GCH1: variants seen among roughly 807,000 people sequenced by gnomAD.
The protein encoded by GCH1 is GTP cyclohydrolase I.
In GCH1, 5 loss-of-function variants were observed where a neutral mutation model predicts 25.9. That is an observed-to-expected ratio of 0.19 (90% CI 0.10 to 0.41). The LOEUF (loss-of-function observed/expected upper bound fraction) is 0.41. Ranked by LOEUF, GCH1 falls within the 10% of genes least tolerant of loss-of-function variation. GCH1 has a pLI of 1.00. For synonymous variants in GCH1, 159 were observed against 129.6 expected (o/e 1.23, Z -1.54); for missense variants, 261 against 336.5 (o/e 0.78, Z 1.75).
At chr14:54,877,683 T>C (rs2040183160) in intron 1 of GCH1, among the ~76,000 whole-genome samples, 1 of 151,966 alleles carries the variant, frequency 6.6e-6, no homozygotes, top group Admixed American at 6.6e-5. Context: ...TTTGTAGAGA[T>C]GGGGTTTCGT....
intron 1 of GCH1, among the ~76,000 whole-genome samples, chr14:54,868,250 C>CA (rs890862732): frequency 6.6e-6 from 1 of 151,920 alleles, no homozygotes; most frequent in African/African-American, 2.4e-5. Flanking sequence ...CCCATCTCCA[C>CA]AAAAAATAAG....
At chr14:54,877,272 C>T (rs114524228) in intron 1 of GCH1, among the ~76,000 whole-genome samples, 2 of 152,188 alleles carry the variant, frequency 1.3e-5, no homozygotes, top group Admixed American at 6.5e-5. Context: ...CTGTTTCCTA[C>T]GGTTGGTCAC....
chr14:54,880,319 A>T (rs1346101259), intron 1 of GCH1, among the ~76,000 whole-genome samples: 1 of 146,920 alleles, frequency 6.8e-6, no homozygotes, highest in Non-Finnish European at 1.5e-5. Context: ...ACTTGTTCAT[A>T]CAGTCTTGTA....
Position 54,845,822 on chromosome 14 carries a change from A to C in GCH1, c.572T>G (p.Val191Gly), listed in dbSNP as rs113247490. 2.1e-5 allele frequency: 34 copies of C among 1,610,292 alleles called. No individual in the cohort carries two copies. The highest frequency in any genetic ancestry group is 2.7e-5 in the Non-Finnish European group (32 of 1,176,556). Reference protein sequence around the residue: ...VQERLTKQIAVAITEALRPAG... With the variant: ...VQERLTKQIAGAITEALRPAG... ...AGGCCGCAAGGCTTCCGTGATTGCTACAGCAATTTGTTTTGTAAGGCGCTC... is the reference window on the plus strand; with the variant it reads ...AGGCCGCAAGGCTTCCGTGATTGCTCCAGCAATTTGTTTTGTAAGGCGCTC... Residue 191 changes from valine to glycine, a missense_variant, in exon 5 of 6, where the codon GTA becomes GGA. Val to Gly is a moderately radical substitution (Grantham distance 109, BLOSUM62 -3). Transcript: ENST00000491895.
chr14:54,853,828 C>T (rs1297502556), intron 3 of GCH1, among the ~76,000 whole-genome samples: 3 of 151,960 alleles, frequency 2.0e-5, no homozygotes, highest in Non-Finnish European at 2.9e-5. Context: ...GGTTTCTCTA[C>T]GCTCTTGAAT....
At chr14:54,876,212 C>G (rs1480300474) in intron 1 of GCH1, among the ~76,000 whole-genome samples, 5 of 152,104 alleles carry the variant, frequency 3.3e-5, no homozygotes. Context: ...ATGGATGAAG[C>G]TGGAAGCCAT....
intron 1 of GCH1, among the ~76,000 whole-genome samples, chr14:54,889,551 G>A (rs986311471): frequency 2.0e-5 from 3 of 152,156 alleles, no homozygotes; most frequent in African/African-American, 4.8e-5. Context: ...ACTGGACCTC[G>A]AAAAATTCAC....
chr14:54,902,801 C>T lies in GCH1; in HGVS notation c.-138G>A, dbSNP rs1349982794. ...AGGTACGCAACCTGCTTAGATCACACTCCGAGCCGGGAGCGGCCACAGGCT... is the reference window on the plus strand; with the variant it reads ...AGGTACGCAACCTGCTTAGATCACATTCCGAGCCGGGAGCGGCCACAGGCT... On this transcript the variant is annotated 5_prime_UTR_variant, in exon 1 of 6. In the 5' UTR this introduces an upstream ATG that the reference lacks. Coordinates refer to ENST00000491895, the MANE Select transcript of GCH1 (RefSeq NM_000161.3). 8.7e-7 allele frequency: 1 copy of T among 1,148,678 alleles called. No individual in the cohort carries two copies. The highest frequency in any genetic ancestry group is 1.1e-6 in the Non-Finnish European group (1 of 900,900). The allele number at this position is 1,148,678 out of a possible 1,614,324, so 71.2% of individuals were successfully genotyped here. A position where few individuals can be genotyped will look rare whatever the true frequency, so the allele number is the denominator to read the frequency against.
At chr14:54,867,271 C>T (rs1471161275) in intron 1 of GCH1, among the ~76,000 whole-genome samples, 1 of 152,232 alleles carries the variant, frequency 6.6e-6, no homozygotes, top group South Asian at 2.1e-4. Context: ...TTAAAGTCAG[C>T]CCTTCAACTC....
intron 1 of GCH1, among the ~76,000 whole-genome samples, chr14:54,889,889 G>A (rs564550665): frequency 6.6e-6 from 1 of 152,118 alleles, no homozygotes; most frequent in East Asian, 1.9e-4. Flanking sequence ...TGCGATGGAA[G>A]ATAAGAAAAA....
intron 1 of GCH1, among the ~76,000 whole-genome samples, chr14:54,868,788 G>C (rs2040025551): frequency 6.6e-6 from 1 of 151,794 alleles, no homozygotes; most frequent in African/African-American, 2.4e-5. Flanking sequence ...TTTTAGTAGA[G>C]ATGGGGTTTC....
chr14:54,852,684 G>C (rs1566662817), intron 3 of GCH1, among the ~76,000 whole-genome samples: 1 of 152,190 alleles, frequency 6.6e-6, no homozygotes, highest in Non-Finnish European at 1.5e-5. Flanking sequence ...TTCCAGGACT[G>C]TTATATGCCA....
intron 1 of GCH1, among the ~76,000 whole-genome samples, chr14:54,875,691 T>A (rs2040148499): frequency 6.6e-6 from 1 of 152,172 alleles, no homozygotes. Flanking sequence ...CTCAAGGATA[T>A]GAACAGACAC....
At position 54,843,952 on chromosome 14, in the gene GCH1, C is replaced by A. The variant is rs2039598774; in HGVS notation, c.*65G>T. The A allele has an allele frequency of 6.2e-7, 1 of 1,613,732 alleles. No homozygotes were observed. On this transcript the variant is annotated 3_prime_UTR_variant, in exon 6 of 6. Transcript: ENST00000491895. ...TTGAAAATGGAATGTACAAACAAGACCGGACAGACAGACAATGCTACTGGC... is the reference window on the plus strand; with the variant it reads ...TTGAAAATGGAATGTACAAACAAGAACGGACAGACAGACAATGCTACTGGC...
At chr14:54,887,542 A>C (rs1332422685) in intron 1 of GCH1, among the ~76,000 whole-genome samples, 1 of 152,204 alleles carries the variant, frequency 6.6e-6, no homozygotes, top group Non-Finnish European at 1.5e-5. Context: ...AAACGTAATA[A>C]TCAAATGCAA....
At chr14:54,861,470 T>C (rs924464613) in intron 2 of GCH1, among the ~76,000 whole-genome samples, 1 of 151,990 alleles carries the variant, frequency 6.6e-6, no homozygotes, top group Non-Finnish European at 1.5e-5. Context: ...GAGTGGTGGC[T>C]CACACCTGTA....
At chr14:54,873,785 A>T (rs1176643815) in intron 1 of GCH1, among the ~76,000 whole-genome samples, 1 of 152,226 alleles carries the variant, frequency 6.6e-6, no homozygotes, top group East Asian at 1.9e-4. Context: ...CCCTCCCAAG[A>T]CTAAACGAGG....
At chr14:54,885,597 A>T (rs2040340768) in intron 1 of GCH1, 2 of 390,218 alleles carry the variant, frequency 5.1e-6, no homozygotes, top group Non-Finnish European at 9.9e-6. Flanking sequence ...ACCAGGAAGA[A>T]AGCTTGCAGC....
At chr14:54,898,211 C>A (rs1275236198) in intron 1 of GCH1, among the ~76,000 whole-genome samples, 1 of 152,116 alleles carries the variant, frequency 6.6e-6, no homozygotes, top group African/African-American at 2.4e-5. Flanking sequence ...GAGACCCTGC[C>A]TCTATATTTA....
Sources: allele counts gnomAD v4.1 joint callset (sites outside exome capture counted in the v4.1 genomes callset), GRCh38; gene constraint gnomAD v4.1.1; transcripts MANE v1.5; gene names NCBI Gene and HGNC (gene_info 2026-07-23, HGNC 2026-07-21).